Variants in HECW2 observed in about 807,000 individuals in gnomAD.
The protein encoded by HECW2 is E3 ubiquitin-protein ligase HECW2.
In HECW2, 61 loss-of-function variants were observed where a neutral mutation model predicts 175.2. The ratio of observed to expected loss-of-function variants is 0.35; its 90% confidence interval spans 0.28 to 0.43. The LOEUF is 0.43. Among genes scored for constraint, HECW2 ranks in the 20% least tolerant of loss-of-function variants. HECW2 has a pLI of 1.00. For missense variants in HECW2, 1,524 were observed against 2,000.5 expected, an observed-to-expected ratio of 0.76 and a Z score of 4.54; for synonymous variants, 671 against 731.0, an observed-to-expected ratio of 0.92 and a Z score of 1.32.
rs767269804 is a variant in HECW2, at chr2:196,319,356, G to C, written c.1534C>G (p.Pro512Ala). 1.2e-6 allele frequency: 2 copies of C among 1,614,058 alleles called. No homozygotes were observed. The highest frequency in any genetic ancestry group is 1.3e-5 in the African/African-American group (1 of 74,920). ...LTSQTKLEDN[P>A]VENEEASTHE... ...GTGGAGGCTTCCTCATTCTCAACAG[G>C]GTTGTCCTCCAGCTTTGTCTGAGAT... Residue 512 changes from proline to alanine, a missense_variant, in exon 9 of 29, where the codon CCT becomes GCT. Transcript: ENST00000644978.
At chr2:196,407,209 C>CTT (rs142961175) in intron 2 of HECW2, among the ~76,000 whole-genome samples, 7,297 of 143,484 alleles carry the variant, frequency 0.051, 610 homozygotes, top group African/African-American at 0.17. Flanking sequence ...ACTTTCAAAA[C>CTT]TTTTTTTTTT....
chr2:196,307,923 G>A lies in HECW2; in HGVS notation c.2585+12C>T, dbSNP rs759764542. 10 of 1,515,604 alleles carry A rather than the reference G, an allele frequency of 6.6e-6. No individual in the cohort carries two copies. In the East Asian group the frequency reaches 2.1e-4, roughly 32 times the overall value. 93.9% of individuals were successfully genotyped at this position (1,515,604 alleles called of 1,614,324 possible). ...CAAAATACAACAGTCACAGCAAAAT[G>A]TTCATCCTCACCGCCGGTTCAGCTG... is the stretch of plus-strand genomic sequence containing the variant. On this transcript the variant is annotated intron_variant, in intron 11 of 28. Transcript: ENST00000644978.
chr2:196,311,641 A>T (rs1296925106), intron 10 of HECW2, among the ~76,000 whole-genome samples: 2 of 152,152 alleles, frequency 1.3e-5, no homozygotes, highest in African/African-American at 4.8e-5. Flanking sequence ...TACTAAAAAT[A>T]CAAAATTCAG....
intron 3 of HECW2, among the ~76,000 whole-genome samples, chr2:196,335,419 A>C (rs1225313262): frequency 6.6e-6 from 1 of 152,220 alleles, no homozygotes; most frequent in Non-Finnish European, 1.5e-5. Context: ...CGTTCTAAAT[A>C]TGCAAGGATG....
chr2:196,274,260 G>T, intron 15 of HECW2, 137 bp from the exon 16 acceptor site: 1 of 629,692 alleles, frequency 1.6e-6, no homozygotes. Context: ...CCAGCTGTGG[G>T]GCTGAAGCAG....
At position 196,307,233 on chromosome 2, in the gene HECW2, T is replaced by C. The variant is rs1691301319; in HGVS notation, c.2586A>G (p.Arg862=). Residue 862 remains arginine, a splice_region_variant and synonymous_variant, in exon 12 of 29, where the codon CGA becomes CGG. Transcript: ENST00000644978. The part of the protein sequence containing the change: ...SIQQMEQLNR[R]YQSIRRTMTN... Reference sequence around the variant, plus strand: ...TCATGGTTCTGCGGATACTCTGATATCTAAAATCATGAGCCTAGAGTTACA... The same window carrying C: ...TCATGGTTCTGCGGATACTCTGATACCTAAAATCATGAGCCTAGAGTTACA... 1.3e-6 allele frequency: 2 copies of C among 1,596,998 alleles called. No homozygotes were observed. Among genetic ancestry groups the C allele is most frequent in the Non-Finnish European group, 8.6e-7 (1 of 1,164,414 alleles).
intron 1 of HECW2, among the ~76,000 whole-genome samples, chr2:196,537,024 A>G (rs1206553328): frequency 6.6e-6 from 1 of 152,188 alleles, no homozygotes; most frequent in Admixed American, 6.5e-5. Context: ...GCGAAAACCA[A>G]TTCCTTTCTG....
chr2:196,569,053 T>G (rs770232487), intron 1 of HECW2, among the ~76,000 whole-genome samples: 2 of 152,202 alleles, frequency 1.3e-5, no homozygotes, highest in Non-Finnish European at 2.9e-5. Flanking sequence ...TAAAATAGGC[T>G]CTGGCTGGGA....
At chr2:196,303,183 T>C (rs1339136520) in intron 13 of HECW2, among the ~76,000 whole-genome samples, 3 of 152,246 alleles carry the variant, frequency 2.0e-5, no homozygotes, top group African/African-American at 7.2e-5. Flanking sequence ...ATGTGGTTTC[T>C]GTCTTTAGTT....
chr2:196,285,394 C>T (rs551069832), intron 14 of HECW2, among the ~76,000 whole-genome samples: 3 of 152,102 alleles, frequency 2.0e-5, no homozygotes, highest in East Asian at 1.9e-4. Flanking sequence ...ACAGAACATC[C>T]GATCTTCCAT....
Position 196,292,692 on chromosome 2 carries a change from CGG to C in HECW2, c.2871_2872del (p.Arg958GlufsTer7). 1 of 1,614,010 alleles carries C rather than the reference CGG, an allele frequency of 6.2e-7. No individual in the cohort carries two copies. Among genetic ancestry groups the C allele is most frequent in the Non-Finnish European group, 8.5e-7 (1 of 1,179,912 alleles). ...GCGTTCAAAGTGGTGGGTGTCCCTC[CGG>C]ACTTTGGTGATCATGTGCTTCAAAC... On this transcript the variant is annotated frameshift_variant, in exon 14 of 29. Coordinates refer to ENST00000644978, the MANE Select transcript of HECW2 (RefSeq NM_001348768.2). LOFTEE classifies it high-confidence loss of function.
intron 1 of HECW2, among the ~76,000 whole-genome samples, chr2:196,445,265 A>C (rs1326841390): frequency 2.0e-5 from 3 of 152,252 alleles, no homozygotes; most frequent in Non-Finnish European, 4.4e-5. Context: ...ACAATGCAAA[A>C]GAACAAAGTC....
At chr2:196,574,889 T>A (rs1366733117) in intron 1 of HECW2, among the ~76,000 whole-genome samples, 1 of 152,148 alleles carries the variant, frequency 6.6e-6, no homozygotes, top group Non-Finnish European at 1.5e-5. Flanking sequence ...TACAGTCATC[T>A]GATCTTTGAC....
At chr2:196,530,394 T>C (rs1375868744) in intron 1 of HECW2, among the ~76,000 whole-genome samples, 3 of 152,228 alleles carry the variant, frequency 2.0e-5, no homozygotes, top group Non-Finnish European at 2.9e-5. Context: ...AATTATATTA[T>C]GCCTAACAGA....
At chr2:196,222,945 A>G (rs1254077206) in intron 23 of HECW2, among the ~76,000 whole-genome samples, 1 of 151,980 alleles carries the variant, frequency 6.6e-6, no homozygotes, top group Non-Finnish European at 1.5e-5. Context: ...CACTTTTTTT[A>G]ATTGTAGAGA....
At chr2:196,450,086 A>G (rs1369471122) in intron 1 of HECW2, among the ~76,000 whole-genome samples, 1 of 152,164 alleles carries the variant, frequency 6.6e-6, no homozygotes, top group Non-Finnish European at 1.5e-5. Flanking sequence ...ATTCCTCCAG[A>G]CTTAACCCAG....
At chr2:196,468,641 A>C (rs987146180) in intron 1 of HECW2, among the ~76,000 whole-genome samples, 3 of 152,206 alleles carry the variant, frequency 2.0e-5, no homozygotes, top group African/African-American at 7.2e-5. Flanking sequence ...GCAATTCTCT[A>C]AACTATTCCA....
chr2:196,456,365 A>G (rs1036371047), intron 1 of HECW2, among the ~76,000 whole-genome samples: 1 of 152,230 alleles, frequency 6.6e-6, no homozygotes, highest in East Asian at 1.9e-4. Flanking sequence ...TATGAGCCTT[A>G]TATACATTAT....
Position 196,228,291 on chromosome 2 carries a change from T to A in HECW2, c.3765-37A>T, listed in dbSNP as rs1426647283. On this transcript the variant is annotated intron_variant, in intron 21 of 28. Coordinates refer to ENST00000644978, the MANE Select transcript of HECW2 (RefSeq NM_001348768.2). The stretch of plus-strand genomic sequence containing the variant: ...ATCCACAAAAAGAATAATCTGTTAC[T>A]TTTTTTCTAGATATTGGGCAGTTTT... 3 of 1,568,804 alleles carry A rather than the reference T, an allele frequency of 1.9e-6. No homozygotes were observed. The African/African-American group carries it at 4.1e-5, about 22-fold the overall frequency.
Sources: gnomAD v4.1 joint callset for allele counts (sites outside exome capture counted in the v4.1 genomes callset) on GRCh38, gnomAD v4.1.1 for gene constraint, MANE v1.5 for transcripts, NCBI Gene and HGNC (gene_info 2026-07-23, HGNC 2026-07-21) for gene names.